The following ZNF324B variants were observed in gnomAD, a reference collection of about 807,000 sequenced individuals.
ZNF324B encodes the protein zinc finger protein 324B.
Under a neutral mutation model 10.6 loss-of-function variants are expected in ZNF324B, and 7 were observed. The observed-to-expected ratio is 0.66, with a 90% CI of 0.38 to 1.24. The LOEUF (loss-of-function observed/expected upper bound fraction) is 1.24. ZNF324B is among the 50% of genes most tolerant of loss of function. ZNF324B has a pLI of 0.02. For synonymous variants in ZNF324B, 316 were observed against 321.0 expected (o/e 0.98, Z 0.17); for missense variants, 640 against 764.7 (o/e 0.84, Z 1.92).
the ZNF324B span, chr19:58,437,038 G>C: frequency 1.2e-6 from 2 of 1,614,138 alleles, no homozygotes; most frequent in South Asian, 1.1e-5. Flanking sequence ...TGCTGAGACA[G>C]GGCATTACCA....
chr19:58,433,498 T>C, the ZNF324B span: 1 of 1,614,196 alleles, frequency 6.2e-7, no homozygotes, highest in Non-Finnish European at 8.5e-7. Context: ...TTCTTGTGTG[T>C]GAACTCTCTG....
chr19:58,439,918 T>C, the ZNF324B span: 1 of 1,307,064 alleles, frequency 7.7e-7, no homozygotes, highest in Non-Finnish European at 1.0e-6. Flanking sequence ...AAATGCAAAA[T>C]GCGCGCAAGG....
In ZNF324B at chr19:58,453,599, G is replaced by C. The variant is rs191818751; in HGVS notation, c.-6-97G>C. On this transcript the variant is annotated intron_variant, in intron 1 of 3. Coordinates refer to ENST00000336614, the MANE Select transcript of ZNF324B (RefSeq NM_207395.3). Reference sequence around the variant, plus strand: ...TCTCGGGGTGGAACCCAAGGAAGGAGGGACACTGGGGGAGGTGACTGTTGG... The same window carrying C: ...TCTCGGGGTGGAACCCAAGGAAGGACGGACACTGGGGGAGGTGACTGTTGG... The C allele has an allele frequency of 3.3e-3, 5,053 of 1,532,754 alleles. 16 individuals are homozygous for C. The highest frequency in any genetic ancestry group is 4.3e-3 in the Non-Finnish European group (4,741 of 1,107,910). The allele number at this position is 1,532,754 out of a possible 1,614,324, so 94.9% of individuals were successfully genotyped here. A position where few individuals can be genotyped will look rare whatever the true frequency, so the allele number is the denominator to read the frequency against.
chr19:58,434,661 C>G, the ZNF324B span: 1 of 1,614,224 alleles, frequency 6.2e-7, no homozygotes, highest in Non-Finnish European at 8.5e-7. Context: ...TAAATGGTAT[C>G]TCTTCAGAGT....
Position 58,454,222 on chromosome 19 carries a change from T to A in ZNF324B, c.122-6T>A, listed in dbSNP as rs1171507186. The A allele has an allele frequency of 1.9e-6, 3 of 1,608,896 alleles. No individual in the cohort carries two copies. The Admixed American group carries it at 5.0e-5, about 27-fold the overall frequency. On this transcript the variant is annotated splice_polypyrimidine_tract_variant and splice_region_variant and intron_variant, in intron 2 of 3. Coordinates refer to ENST00000336614, the MANE Select transcript of ZNF324B (RefSeq NM_207395.3). ...GGGCTGGGCTCTCACCTGCTCCTCC[T>A]CACAGGACTCTCTACCTCCCGACCT...
At chr19:58,422,613 C>A in the ZNF324B span, among the ~76,000 whole-genome samples, 1 of 152,114 alleles carries the variant, frequency 6.6e-6, no homozygotes, top group African/African-American at 2.4e-5. Flanking sequence ...CAGTAATGAT[C>A]TAGCTGAAAA....
rs1038179331 is a variant in ZNF324B at position 58,457,416 on chromosome 19, G to A, written c.*837G>A. 6.6e-6 allele frequency: 1 copy of A among 152,426 alleles called. No individual in the cohort carries two copies. The highest frequency in any genetic ancestry group is 1.5e-5 in the Non-Finnish European group (1 of 68,064). 9.4% of individuals were successfully genotyped at this position (152,426 alleles called of 1,614,324 possible). A position where few individuals can be genotyped will look rare whatever the true frequency, so the allele number is the denominator to read the frequency against. On this transcript the variant is annotated 3_prime_UTR_variant, in exon 4 of 4. Coordinates refer to ENST00000336614, the MANE Select transcript of ZNF324B (RefSeq NM_207395.3). ...TGTCGCTCACTCATTTACAAAAGTC[G>A]ATGTGAGGAGGAGCCTTTACACCTG...
At chr19:58,439,827 G>A in the ZNF324B span, 4 of 1,541,878 alleles carry the variant, frequency 2.6e-6, no homozygotes, top group Non-Finnish European at 3.5e-6. Context: ...GCCATAACAG[G>A]AGGCCCAGGG....
chr19:58,434,495 T>A, the ZNF324B span: 1 of 1,614,226 alleles, frequency 6.2e-7, no homozygotes. Context: ...TCATAATATT[T>A]TACTTCAGTG....
chr19:58,435,584 C>T, the ZNF324B span: 1 of 174,188 alleles, frequency 5.7e-6, no homozygotes, highest in Non-Finnish European at 1.2e-5. Flanking sequence ...CATCCACTAG[C>T]ATAGCTATAA....
chr19:58,431,547 C>G, the ZNF324B span, among the ~76,000 whole-genome samples: 81 of 152,188 alleles, frequency 5.3e-4, no homozygotes, highest in Non-Finnish European at 2.9e-5. Flanking sequence ...AGGTGTGCAC[C>G]ACTGCACCTG....
At chr19:58,437,305 C>G in the ZNF324B span, 109 of 1,405,554 alleles carry the variant, frequency 7.8e-5, no homozygotes, top group Non-Finnish European at 9.0e-5. Context: ...ACTAATATCT[C>G]TTTTTCTTAT....
the ZNF324B span, among the ~76,000 whole-genome samples, chr19:58,421,267 G>A: frequency 2.6e-5 from 4 of 152,128 alleles, no homozygotes; most frequent in Non-Finnish European, 4.4e-5. Flanking sequence ...ATCCCTTGAA[G>A]GAGGAATTAT....
chr19:58,445,500 C>T, the ZNF324B span: 1 of 518,720 alleles, frequency 1.9e-6, no homozygotes. Flanking sequence ...GGAAAGTCTT[C>T]ACCTCCCTTA....
At chr19:58,427,406 CCT>C in the ZNF324B span, among the ~76,000 whole-genome samples, 1 of 23,790 alleles carries the variant, frequency 4.2e-5, no homozygotes, top group Non-Finnish European at 8.4e-5. Context: ...TTCTTTCTTT[CCT>C]TCCTTCCTTC....
rs2052926286 is a variant in ZNF324B, at chr19:58,456,633, G to A, written c.*54G>A. On this transcript the variant is annotated 3_prime_UTR_variant, in exon 4 of 4. Coordinates refer to ENST00000336614, the MANE Select transcript of ZNF324B (RefSeq NM_207395.3). The surrounding 1 kb of genome is among the most constrained non-coding windows in gnomAD (Gnocchi z 4.7). The stretch of plus-strand genomic sequence containing the variant: ...TGGCCTTCTGTGAATCCCTTCCACA[G>A]CTAAAGGGTCCGAGTGCTCTTCAGA... 8 of 1,568,004 alleles carry A rather than the reference G, an allele frequency of 5.1e-6. No homozygotes were observed. The East Asian group carries it at 1.8e-4, about 35-fold the overall frequency.
chr19:58,455,297 G>C lies in ZNF324B; in HGVS notation c.353G>C (p.Ser118Thr), dbSNP rs2052903809. 2 of 1,614,110 alleles carry C rather than the reference G, an allele frequency of 1.2e-6. No homozygotes were observed. The highest frequency in any genetic ancestry group is 1.7e-6 in the Non-Finnish European group (2 of 1,180,044). Residue 118 changes from serine to threonine, a missense_variant, in exon 4 of 4, where the codon AGT becomes ACT. Ser to Thr is a moderately conservative substitution (Grantham distance 58). Transcript: ENST00000336614. The surrounding 1 kb of genome is among the most constrained non-coding windows in gnomAD (Gnocchi z 7.0). ...SVFPVADACH[S>T]VKSLQRQPGA... ...TTCCCAGTTGCCGATGCCTGCCACA[G>C]TGTAAAAAGCCTGCAGCGACAACCG...
chr19:58,438,472 ATT>A, the ZNF324B span, among the ~76,000 whole-genome samples: 22 of 129,784 alleles, frequency 1.7e-4, no homozygotes, highest in South Asian at 1.2e-3. Context: ...TCTAAGGTCA[ATT>A]TTTTTTTTTT....
chr19:58,427,390 CT>C, the ZNF324B span, among the ~76,000 whole-genome samples: 1 of 48,570 alleles, frequency 2.1e-5, no homozygotes, highest in Non-Finnish European at 3.7e-5. Flanking sequence ...TTCTTTCTTT[CT>C]TTCTTTCTTT....
Sources: allele counts gnomAD v4.1 joint callset (sites outside exome capture counted in the v4.1 genomes callset), GRCh38; gene constraint gnomAD v4.1.1; non-coding constraint Gnocchi (gnomAD v3.1); transcripts MANE v1.5; gene names NCBI Gene and HGNC (gene_info 2026-07-23, HGNC 2026-07-21).